LRRC2: variants seen among roughly 807,000 people sequenced by gnomAD.
LRRC2 encodes leucine-rich repeat-containing protein 2.
In LRRC2, 27 loss-of-function variants were observed where a neutral mutation model predicts 40.2. The observed-to-expected ratio is 0.67, with a 90% CI of 0.49 to 0.93. The LOEUF (loss-of-function observed/expected upper bound fraction) is 0.93. Among genes scored for constraint, LRRC2 ranks in the 40% least tolerant of loss-of-function variants. The pLI is 0.00. For synonymous variants in LRRC2, 147 were observed against 158.9 expected, an observed-to-expected ratio of 0.92 and a Z score of 0.56; for missense variants, 402 against 439.6, an observed-to-expected ratio of 0.91 and a Z score of 0.76.
chr3:46,541,115 C>T (rs1410677718), intron 3 of LRRC2, among the ~76,000 whole-genome samples: 3 of 152,068 alleles, frequency 2.0e-5, no homozygotes, highest in African/African-American at 4.8e-5. Context: ...GGGCAGATCA[C>T]GAGGTCAGGA....
At chr3:46,543,823 C>A (rs1423560960) in intron 3 of LRRC2, among the ~76,000 whole-genome samples, 1 of 151,912 alleles carries the variant, frequency 6.6e-6, no homozygotes, top group Non-Finnish European at 1.5e-5. Flanking sequence ...CCCTTCGTGC[C>A]CTAGAATAGG....
intron 7 of LRRC2, among the ~76,000 whole-genome samples, chr3:46,526,074 T>G (rs1428339987): frequency 1.3e-5 from 2 of 152,140 alleles, no homozygotes; most frequent in Admixed American, 6.5e-5. Flanking sequence ...TGCCTCAGCC[T>G]CCTGAGTAGC....
intron 7 of LRRC2, among the ~76,000 whole-genome samples, chr3:46,522,891 A>C (rs1471559538): frequency 6.6e-6 from 1 of 152,102 alleles, no homozygotes; most frequent in Non-Finnish European, 1.5e-5. Context: ...AAAATATTGT[A>C]ATTATTTCAA....
chr3:46,518,979 A>C lies in LRRC2; in HGVS notation c.*35T>G. The C allele has an allele frequency of 7.1e-7, 1 of 1,413,348 alleles. No homozygotes were observed. The highest frequency in any genetic ancestry group is 1.0e-6 in the Non-Finnish European group (1 of 997,238). The allele number at this position is 1,413,348 out of a possible 1,614,324, so 87.6% of individuals were successfully genotyped here. ...ATAACAAAGATTTATATATAGCTCCAGAGAATAGTGAGATTTGCAGTCTTC... is the reference window on the plus strand; with the variant it reads ...ATAACAAAGATTTATATATAGCTCCCGAGAATAGTGAGATTTGCAGTCTTC... On this transcript the variant is annotated 3_prime_UTR_variant, in exon 9 of 9. Transcript: ENST00000395905.
In LRRC2 at chr3:46,534,910, A is replaced by T. The variant is rs369072544; in HGVS notation, c.491-2001T>A. ...TCCTTTGTTCATTCCCACGTTCCTCACTATGCTTGAGCATCAGATCCTGCA... is the reference window on the plus strand; with the variant it reads ...TCCTTTGTTCATTCCCACGTTCCTCTCTATGCTTGAGCATCAGATCCTGCA... On this transcript the variant is annotated intron_variant, in intron 4 of 8. Transcript: ENST00000395905. Among the ~76,000 whole-genome samples, 77 of 152,244 alleles carry T rather than the reference A, an allele frequency of 5.1e-4. 1 individual carries two copies. The highest frequency in any genetic ancestry group is 1.1e-3 in the African/African-American group (44 of 41,530).
intron 2 of LRRC2, among the ~76,000 whole-genome samples, chr3:46,547,636 A>C (rs914033745): frequency 6.6e-6 from 1 of 151,970 alleles, no homozygotes; most frequent in Non-Finnish European, 1.5e-5. Flanking sequence ...AGCCTGGGCA[A>C]CAGAAAGAGA....
At chr3:46,519,408 G>C (rs539506848) in intron 8 of LRRC2, among the ~76,000 whole-genome samples, 1 of 152,300 alleles carries the variant, frequency 6.6e-6, no homozygotes, top group Non-Finnish European at 1.5e-5. Context: ...TCACGGACTT[G>C]GGACTGTGGC....
chr3:46,534,361 A>G lies in LRRC2; in HGVS notation c.491-1452T>C, dbSNP rs1467834248. Among the ~76,000 whole-genome samples the G allele has an allele frequency of 2.6e-5, 4 of 151,850 alleles. No individual in the cohort carries two copies. The East Asian group carries it at 5.8e-4, about 22-fold the overall frequency. On this transcript the variant is annotated intron_variant, in intron 4 of 8. Transcript: ENST00000395905. ...TTTGGGTTGGTTCCAAGTCTTTACT[A>G]TTGTAAATAGTGCTGCTCTTTTCTT...
chr3:46,524,056 A>G (rs1283748631), intron 7 of LRRC2, among the ~76,000 whole-genome samples: 2 of 152,164 alleles, frequency 1.3e-5, no homozygotes, highest in Non-Finnish European at 1.5e-5. Flanking sequence ...GTGTAATCAC[A>G]TCTCACTTTT....
At chr3:46,529,082 A>C (rs527959377) in intron 6 of LRRC2, among the ~76,000 whole-genome samples, 3 of 151,162 alleles carry the variant, frequency 2.0e-5, no homozygotes, top group African/African-American at 7.3e-5. Flanking sequence ...GCACTACTGC[A>C]CTCCAGCCTG....
rs1704127967 is a variant in LRRC2 at position 46,529,900 on chromosome 3, G to GCT, written c.773+3_773+4dup. The GCT allele has an allele frequency of 1.9e-6, 3 of 1,613,936 alleles. No homozygotes were observed. In the South Asian group the frequency reaches 3.3e-5, roughly 18 times the overall value. On this transcript the variant is annotated splice_donor_region_variant and intron_variant, in intron 6 of 8. Coordinates refer to ENST00000395905, the MANE Select transcript of LRRC2 (RefSeq NM_024512.5). ...TACACCTCACCTTAGAATGCAAGTAGCTACCTGTCTATATCTTGCGGCAGG... is the reference window on the plus strand; with the variant it reads ...TACACCTCACCTTAGAATGCAAGTAGCTCTACCTGTCTATATCTTGCGGCAGG...
At chr3:46,533,026 T>C (rs1704188867) in intron 4 of LRRC2, 117 bp from the exon 5 acceptor site, 7 of 1,081,140 alleles carry the variant, frequency 6.5e-6, no homozygotes, top group Non-Finnish European at 9.4e-6. Flanking sequence ...GAACTAAACA[T>C]AATTTAGTAT....
rs1041020987 is a variant in LRRC2, at chr3:46,520,144, G to A, written c.1067-1081C>T. Among the ~76,000 whole-genome samples the A allele has an allele frequency of 1.3e-3, 187 of 147,174 alleles. 3 individuals carry two copies. Among genetic ancestry groups the A allele is most frequent in the South Asian group, 6.7e-3 (31 of 4,642 alleles). Reference sequence around the variant, plus strand: ...AAATAATAACTAATAATATATTATCGATAAAATTAATATTAAATAATATAT... The same window carrying A: ...AAATAATAACTAATAATATATTATCAATAAAATTAATATTAAATAATATAT... On this transcript the variant is annotated intron_variant, in intron 8 of 8. Coordinates refer to ENST00000395905, the MANE Select transcript of LRRC2 (RefSeq NM_024512.5).
At chr3:46,523,961 T>G (rs1704011400) in intron 7 of LRRC2, among the ~76,000 whole-genome samples, 1 of 152,236 alleles carries the variant, frequency 6.6e-6, no homozygotes, top group Non-Finnish European at 1.5e-5. Context: ...ACTATACACA[T>G]TCTGATGTGT....
At chr3:46,558,161 C>T (rs1200734717) in intron 1 of LRRC2, 1 of 152,244 alleles carries the variant, frequency 6.6e-6, no homozygotes, top group Non-Finnish European at 1.5e-5. Context: ...ACTGCTGATC[C>T]CCAGCCCACG....
intron 1 of LRRC2, chr3:46,558,679 G>C (rs941854289): frequency 1.3e-5 from 2 of 152,086 alleles, no homozygotes; most frequent in Non-Finnish European, 2.9e-5. Context: ...TCCCTTTTTC[G>C]GGCCTCTGGC....
At chr3:46,529,241 T>G (rs1425255599) in intron 6 of LRRC2, among the ~76,000 whole-genome samples, 2 of 151,996 alleles carry the variant, frequency 1.3e-5, no homozygotes, top group Non-Finnish European at 2.9e-5. Context: ...GACTGAAACT[T>G]ACATGATAAT....
chr3:46,522,872 T>C (rs1703991624), intron 7 of LRRC2, among the ~76,000 whole-genome samples: 1 of 152,074 alleles, frequency 6.6e-6, no homozygotes, highest in Non-Finnish European at 1.5e-5. Flanking sequence ...CAAAGATGTA[T>C]TGATGTGAAA....
rs1317523357 is a variant in LRRC2 at position 46,551,558 on chromosome 3, C to T, written c.34G>A (p.Val12Ile). The T allele has an allele frequency of 3.1e-6, 5 of 1,613,568 alleles. No individual in the cohort carries two copies. In the East Asian group the frequency reaches 1.1e-4, roughly 36 times the overall value. ...CGAGTTTCCCACAAGGCTCTGATGACAGAAATGTCGAAGACAACCACTTTA... is the reference window on the plus strand; with the variant it reads ...CGAGTTTCCCACAAGGCTCTGATGATAGAAATGTCGAAGACAACCACTTTA... Reference protein sequence around the residue: ...GHKVVVFDISVIRALWETRVK... With the variant: ...GHKVVVFDISIIRALWETRVK... Residue 12 changes from valine to isoleucine, a missense_variant, in exon 2 of 9, where the codon GTC (valine) becomes ATC (isoleucine). Transcript: ENST00000395905.
Sources: allele counts gnomAD v4.1 joint callset (sites outside exome capture counted in the v4.1 genomes callset), GRCh38; gene constraint gnomAD v4.1.1; transcripts MANE v1.5; gene names NCBI Gene and HGNC (gene_info 2026-07-23, HGNC 2026-07-21).